Variants in RABEP1 observed in about 807,000 individuals in gnomAD.
RABEP1 encodes the protein rab GTPase-binding effector protein 1.
RABEP1 carries 51 observed loss-of-function variants against 123.4 expected under a neutral mutation model. That is an observed-to-expected ratio of 0.41 (90% CI 0.33 to 0.52). RABEP1 has a LOEUF of 0.52. RABEP1 is among the 20% of genes least tolerant of loss of function. The pLI is 0.16. For missense variants in RABEP1, 888 were observed against 996.3 expected (o/e 0.89, Z 1.46); for synonymous variants, 347 against 355.2 (o/e 0.98, Z 0.26).
rs1169034666 is a variant in RABEP1 at position 5,346,938 on chromosome 17, T to C, written c.784+13T>C. On this transcript the variant is annotated intron_variant, in intron 6 of 17. Coordinates refer to ENST00000537505, the MANE Select transcript of RABEP1 (RefSeq NM_004703.6). ...GAATTGCATGAAGGTAAATATACTGTATATTTTTATCTTTGTCTCTAAGAA... is the reference window on the plus strand; with the variant it reads ...GAATTGCATGAAGGTAAATATACTGCATATTTTTATCTTTGTCTCTAAGAA... 6.4e-7 allele frequency: 1 copy of C among 1,555,650 alleles called. No individual in the cohort carries two copies. The highest frequency in any genetic ancestry group is 1.9e-5 in the Admixed American group (1 of 52,576).
chr17:5,331,840 G>T, intron 2 of RABEP1, 109 bp from the exon 3 acceptor site: 2 of 917,436 alleles, frequency 2.2e-6, no homozygotes, highest in Non-Finnish European at 3.3e-6. Flanking sequence ...TATTAAAAGG[G>T]TGTCATTTTG....
At chr17:5,308,123 GCT>G (rs1017909247) in intron 1 of RABEP1, among the ~76,000 whole-genome samples, 3 of 151,986 alleles carry the variant, frequency 2.0e-5, no homozygotes, top group African/African-American at 7.3e-5. Context: ...CACTTTAGAA[GCT>G]CTTTTTTTTG....
rs144829319 is a variant in RABEP1, at chr17:5,339,895, T to C, written c.648+1757T>C. On this transcript the variant is annotated intron_variant, in intron 5 of 17. Transcript: ENST00000537505. ...GAAAGCTGATATACCAAGTGTAGTA[T>C]CACAAAGATAGGATAAGGGGGAAAA... 2.4e-3 allele frequency among the ~76,000 whole-genome samples: 369 copies of C among 152,134 alleles called. 3 individuals are homozygous for C. The highest frequency in any genetic ancestry group is 8.7e-3 in the African/African-American group (362 of 41,492).
chr17:5,326,853 A>G (rs543378896), intron 2 of RABEP1, among the ~76,000 whole-genome samples: 54 of 152,346 alleles, frequency 3.5e-4, no homozygotes, highest in African/African-American at 1.3e-3. Flanking sequence ...TGATGGCGAT[A>G]CATTCTCAGA....
intron 3 of RABEP1, among the ~76,000 whole-genome samples, chr17:5,334,779 C>T (rs1426766264): frequency 1.3e-5 from 2 of 152,116 alleles, no homozygotes; most frequent in Admixed American, 1.3e-4. Flanking sequence ...TATCCCTTTT[C>T]GTATACTTTC....
rs548520627 is a variant in RABEP1 at position 5,374,054 on chromosome 17, C to G, written c.2025+600C>G. 2.0e-4 allele frequency among the ~76,000 whole-genome samples: 31 copies of G among 152,244 alleles called. No homozygotes were observed. In the East Asian group the frequency reaches 5.8e-3, roughly 28 times the overall value. On this transcript the variant is annotated intron_variant, in intron 13 of 17. Coordinates refer to ENST00000537505, the MANE Select transcript of RABEP1 (RefSeq NM_004703.6). Reference sequence around the variant, plus strand: ...AAGTTATAACACACTCACCATCATGCTGTCCATAAAGATGACACTTTTGTT... The same window carrying G: ...AAGTTATAACACACTCACCATCATGGTGTCCATAAAGATGACACTTTTGTT...
chr17:5,359,654 CTT>C (rs1022332030), intron 8 of RABEP1, among the ~76,000 whole-genome samples: 10 of 151,806 alleles, frequency 6.6e-5, no homozygotes, highest in Non-Finnish European at 1.5e-4. Context: ...AATTTGTCAC[CTT>C]TTTATTACAC....
intron 1 of RABEP1, among the ~76,000 whole-genome samples, chr17:5,304,154 C>A (rs2075160320): frequency 1.3e-5 from 2 of 152,040 alleles, no homozygotes; most frequent in Non-Finnish European, 2.9e-5. Context: ...TTGTTTATAT[C>A]AAAATTATTA....
intron 1 of RABEP1, among the ~76,000 whole-genome samples, chr17:5,282,797 G>A (rs1173153816): frequency 1.3e-5 from 2 of 151,342 alleles, no homozygotes; most frequent in African/African-American, 4.8e-5. Flanking sequence ...GGGGTAGTGT[G>A]GGGAGGGAGC....
rs1342999878 is a variant in RABEP1 at position 5,365,074 on chromosome 17, AT to A, written c.1669-46del. On this transcript the variant is annotated intron_variant, in intron 10 of 17. Transcript: ENST00000537505. Reference sequence around the variant, plus strand: ...TGGAGTTAGATTTAAAAAAAAAAAAATTATAAAAGGATTCTGGTTTTTCTAA... The same window carrying A: ...TGGAGTTAGATTTAAAAAAAAAAAAATATAAAAGGATTCTGGTTTTTCTAA... 6.5e-6 allele frequency: 8 copies of A among 1,238,060 alleles called. No homozygotes were observed. The East Asian group carries it at 1.0e-4, about 16-fold the overall frequency. 76.7% of individuals were successfully genotyped at this position (1,238,060 alleles called of 1,614,324 possible).
In RABEP1 at chr17:5,375,542, A is replaced by C. The variant is rs75709052; in HGVS notation, c.2026-1574A>C. ...CCCCGATGCTACTGAAACAAACAAAAAAAATTAGCCAAGGATGGTGGCACA... is the reference window on the plus strand; with the variant it reads ...CCCCGATGCTACTGAAACAAACAAACAAAATTAGCCAAGGATGGTGGCACA... On this transcript the variant is annotated intron_variant, in intron 13 of 17. Transcript: ENST00000537505. 2.5e-3 allele frequency among the ~76,000 whole-genome samples: 379 copies of C among 152,202 alleles called. No individual in the cohort carries two copies. In the East Asian group the frequency reaches 0.028, roughly 11 times the overall value.
At chr17:5,328,722 GC>G (rs566387660) in intron 2 of RABEP1, among the ~76,000 whole-genome samples, 71 of 149,414 alleles carry the variant, frequency 4.8e-4, no homozygotes, top group Non-Finnish European at 9.9e-4. Context: ...GGAGGCCGAG[GC>G]AGGTGGATCA....
At chr17:5,305,347 C>T (rs2075170816) in intron 1 of RABEP1, among the ~76,000 whole-genome samples, 1 of 152,014 alleles carries the variant, frequency 6.6e-6, no homozygotes, top group South Asian at 2.1e-4. Flanking sequence ...GAACACTGTC[C>T]TGAAGCCTGG....
At position 5,335,177 on chromosome 17, in the gene RABEP1, T is replaced by C; in HGVS notation, c.368-7T>C. The C allele has an allele frequency of 6.3e-7, 1 of 1,598,830 alleles. No homozygotes were observed. The highest frequency in any genetic ancestry group is 2.2e-5 in the East Asian group (1 of 44,762). ...TTAGATGTGAAATATGTGGTGATGT[T>C]TTGTAGAAACAGTTCGTGACTATGA... is the stretch of plus-strand genomic sequence containing the variant. On this transcript the variant is annotated splice_region_variant and splice_polypyrimidine_tract_variant and intron_variant, in intron 3 of 17. Coordinates refer to ENST00000537505, the MANE Select transcript of RABEP1 (RefSeq NM_004703.6).
chr17:5,333,037 G>A (rs1205815386), intron 3 of RABEP1, among the ~76,000 whole-genome samples: 1 of 152,180 alleles, frequency 6.6e-6, no homozygotes, highest in African/African-American at 2.4e-5. Context: ...AAGAAGAGAC[G>A]TAGTTTAGTC....
chr17:5,362,064 C>T (rs1205465831), intron 9 of RABEP1: 2 of 169,306 alleles, frequency 1.2e-5, no homozygotes, highest in Non-Finnish European at 2.6e-5. Context: ...ATCAAAAGCG[C>T]AATTGCCGGT....
intron 12 of RABEP1, among the ~76,000 whole-genome samples, chr17:5,372,575 A>G (rs1049307193): frequency 2.6e-5 from 4 of 152,238 alleles, no homozygotes; most frequent in Non-Finnish European, 5.9e-5. Context: ...AGAGGTATAC[A>G]TAATAGGAAA....
At chr17:5,368,709 G>A (rs1910290963) in intron 12 of RABEP1, among the ~76,000 whole-genome samples, 2 of 152,100 alleles carry the variant, frequency 1.3e-5, no homozygotes, top group South Asian at 4.2e-4. Context: ...TTCTGATTTG[G>A]GAAACCTAAA....
At chr17:5,357,332 G>A (rs971510729) in intron 8 of RABEP1, among the ~76,000 whole-genome samples, 1 of 152,074 alleles carries the variant, frequency 6.6e-6, no homozygotes, top group African/African-American at 2.4e-5. Context: ...GCGTGTCAAT[G>A]TACCATAATT....
Sources: allele counts gnomAD v4.1 joint callset (sites outside exome capture counted in the v4.1 genomes callset), GRCh38; gene constraint gnomAD v4.1.1; transcripts MANE v1.5; gene names NCBI Gene and HGNC (gene_info 2026-07-23, HGNC 2026-07-21).